Variants in RSRP1 observed in about 807,000 individuals in gnomAD.
RSRP1 encodes the protein arginine/serine-rich protein 1.
In RSRP1, 37 loss-of-function variants were observed where a neutral mutation model predicts 33.0. The ratio of observed to expected loss-of-function variants is 1.12; its 90% CI spans 0.86 to 1.48. The LOEUF is 1.48. Among genes scored for constraint, RSRP1 ranks in the 40% most tolerant of loss-of-function variants. The probability of loss-of-function intolerance (pLI) is 0.00; values close to 1 mark genes in which losing one functional copy is unlikely to be tolerated. For missense variants in RSRP1, 402 were observed against 385.3 expected (o/e 1.04, Z -0.36); for synonymous variants, 167 against 158.7 (o/e 1.05, Z -0.40).
At chr1:25,321,589 G>A in intron 1 of RSRP1, among the ~76,000 whole-genome samples, 1 of 125,530 alleles carries the variant, frequency 8.0e-6, no homozygotes, top group Admixed American at 8.0e-5. Flanking sequence ...ATAATCGCTT[G>A]AACCTGGGAG....
chr1:25,259,649 C>T (rs184874344), intron 1 of RSRP1, among the ~76,000 whole-genome samples: 1 of 152,112 alleles, frequency 6.6e-6, no homozygotes, highest in East Asian at 1.9e-4. Flanking sequence ...ATTACAAGTG[C>T]ACACTACCAC....
At chr1:25,247,119 G>A (rs913764379) in intron 1 of RSRP1, 90 bp from the exon 2 acceptor site, 36 of 827,772 alleles carry the variant, frequency 4.3e-5, no homozygotes, top group Non-Finnish European at 5.9e-5. Flanking sequence ...TCCGGGAGGC[G>A]GAGCCACGGC....
At chr1:25,283,815 C>T (rs1271086862) in intron 1 of RSRP1, among the ~76,000 whole-genome samples, 3 of 133,868 alleles carry the variant, frequency 2.2e-5, no homozygotes, top group South Asian at 4.4e-4. Context: ...AAGTTTGTCT[C>T]GTTCTGGAGC....
rs749408871 is a variant in RSRP1 at position 25,245,169 on chromosome 1, C to G, written c.653G>C (p.Ser218Thr). 2 of 1,614,180 alleles carry G rather than the reference C, an allele frequency of 1.2e-6. No homozygotes were observed. Among genetic ancestry groups the G allele is most frequent in the Non-Finnish European group, 1.7e-6 (2 of 1,180,028 alleles). ...ACTTACTTCAGGCTTTGCACCATTA[C>G]TTGATACACCTATTCCACGGCTTGT... Reference protein sequence around the residue: ...KETSRGIGVSSNGAKPELSEK... With the variant: ...KETSRGIGVSTNGAKPELSEK... Residue 218 changes from serine (S) to threonine (T), a missense_variant, in exon 3 of 5, where the codon AGT (serine) becomes ACT (threonine). Coordinates refer to ENST00000243189, the MANE Select transcript of RSRP1 (RefSeq NM_020317.5).
chr1:25,251,144 AGAACT>A (rs1382293531), upstream of RSRP1, among the ~76,000 whole-genome samples: 1 of 152,222 alleles, frequency 6.6e-6, no homozygotes, highest in Non-Finnish European at 1.5e-5. Flanking sequence ...CCCACATCAT[AGAACT>A]GAATTCGGCC....
intron 1 of RSRP1, among the ~76,000 whole-genome samples, chr1:25,331,838 C>A (rs2124204103): frequency 8.2e-6 from 1 of 121,384 alleles, no homozygotes; most frequent in African/African-American, 2.8e-5. Context: ...CTCCCGGGTT[C>A]ACGCCATTCT....
rs1639420308 is a variant in RSRP1 at position 25,246,564 on chromosome 1, C to A, written c.400G>T (p.Ala134Ser). 1 of 1,614,118 alleles carries A rather than the reference C, an allele frequency of 6.2e-7. No homozygotes were observed. The highest frequency in any genetic ancestry group is 8.5e-7 in the Non-Finnish European group (1 of 1,180,054). Residue 134 changes from alanine (A) to serine (S), a missense_variant, in exon 2 of 5, where the codon GCG becomes TCG. By Grantham distance (99) the Ala-to-Ser change is moderately conservative (BLOSUM62 1). Transcript: ENST00000243189. ...RSYCGRAYAI[A>S]RGQRYYGFGR... The stretch of plus-strand genomic sequence containing the variant: ...AAGCCGTAGTAGCGCTGTCCCCGCG[C>A]GATCGCGTACGCCCTTCCGCAGTAC...
rs1640658995 is a variant in RSRP1, at chr1:25,273,335, G to A, written c.-66-26306C>T. Among the ~76,000 whole-genome samples the A allele has an allele frequency of 1.9e-5, 2 of 106,310 alleles. 1 individual carries two copies. Among genetic ancestry groups the A allele is most frequent in the Non-Finnish European group, 4.5e-5 (2 of 44,412 alleles). The allele number at this position is 106,310 out of a possible 152,430, so 69.7% of individuals were successfully genotyped here. Reference sequence around the variant, plus strand: ...TTTTTTTTTTTTTGGTAGAGATGTGGGTCTCCCTGTGTTTCCCAGACTGGT... The same window carrying A: ...TTTTTTTTTTTTTGGTAGAGATGTGAGTCTCCCTGTGTTTCCCAGACTGGT... On this transcript the variant is annotated intron_variant, in intron 1 of 1. Transcript: ENST00000561867.
intron 2 of RSRP1, among the ~76,000 whole-genome samples, chr1:25,245,514 T>A (rs773617265): frequency 6.6e-6 from 1 of 152,178 alleles, no homozygotes. Flanking sequence ...TAAATGCAGA[T>A]AGAAAGTACC....
chr1:25,264,569 C>A (rs1640264641), intron 1 of RSRP1, among the ~76,000 whole-genome samples: 1 of 151,464 alleles, frequency 6.6e-6, no homozygotes, highest in South Asian at 2.1e-4. Context: ...CCAACAAAAC[C>A]ATTTTTTCCT....
At chr1:25,261,848 A>T (rs1640167241) in intron 1 of RSRP1, among the ~76,000 whole-genome samples, 1 of 148,798 alleles carries the variant, frequency 6.7e-6, no homozygotes, top group Non-Finnish European at 1.5e-5. Context: ...TGTAGCTGGG[A>T]TCACAGGCAC....
chr1:25,251,210 G>C (rs1639767666), upstream of RSRP1, among the ~76,000 whole-genome samples: 1 of 151,892 alleles, frequency 6.6e-6, no homozygotes, highest in Non-Finnish European at 1.5e-5. Context: ...CCTCCAAAAA[G>C]AAACAAAATG....
chr1:25,313,605 C>T lies in RSRP1; in HGVS notation c.-67+24373G>A, dbSNP rs1273825002. On this transcript the variant is annotated intron_variant, in intron 1 of 1. Transcript: ENST00000561867. ...GGAAAGTTTTGTTGTTCACAGTTCC[C>T]CTGTAAACAAGAGGCAGAACACGTC... Among the ~76,000 whole-genome samples the T allele has an allele frequency of 1.5e-5, 2 of 131,750 alleles. 1 individual carries two copies. Among genetic ancestry groups the T allele is most frequent in the Admixed American group, 1.5e-4 (2 of 13,496 alleles). 86.4% of individuals were successfully genotyped at this position (131,750 alleles called of 152,430 possible).
Position 25,243,410 on chromosome 1 carries a change from G to C in RSRP1, c.756+140C>G, listed in dbSNP as rs1343396440. The C allele has an allele frequency of 3.7e-6, 4 of 1,073,552 alleles. No homozygotes were observed. The African/African-American group carries it at 4.8e-5, about 13-fold the overall frequency. The allele number at this position is 1,073,552 out of a possible 1,614,324, so 66.5% of individuals were successfully genotyped here. On this transcript the variant is annotated intron_variant, in intron 4 of 4. Coordinates refer to ENST00000243189, the MANE Select transcript of RSRP1 (RefSeq NM_020317.5). ...ATTATAATGGCCACTTATAAAAGTGGCTCAAAAACAAATGATTTTAATTCT... is the reference window on the plus strand; with the variant it reads ...ATTATAATGGCCACTTATAAAAGTGCCTCAAAAACAAATGATTTTAATTCT...
chr1:25,267,953 C>A (rs1406831758), intron 1 of RSRP1: 1 of 133,408 alleles, frequency 7.5e-6, no homozygotes, highest in East Asian at 2.0e-4. Context: ...CCGGACCCGG[C>A]GCCCCGCCCT....
intron 3 of RSRP1, chr1:25,244,659 G>C: frequency 1.6e-6 from 2 of 1,216,966 alleles, no homozygotes; most frequent in Non-Finnish European, 2.1e-6. Flanking sequence ...GGTGTTATAA[G>C]AGTACACTGT....
intron 1 of RSRP1, among the ~76,000 whole-genome samples, chr1:25,293,815 A>G (rs1479168591): frequency 7.6e-6 from 1 of 132,102 alleles, no homozygotes; most frequent in Non-Finnish European, 1.8e-5. Context: ...AAATATGGAA[A>G]TTTGATCATG....
rs375347442 is a variant in RSRP1 at position 25,309,064 on chromosome 1, A to G, written c.-67+28914T>C. ...AGAGAGGATTAAGCGCAAAGTCACA[A>G]CACTTAATGGGAACTGTGGATTAGC... On this transcript the variant is annotated intron_variant, in intron 1 of 1. Coordinates refer to the RSRP1 transcript ENST00000561867. Among the ~76,000 whole-genome samples, 9 of 131,948 alleles carry G rather than the reference A, an allele frequency of 6.8e-5. 2 individuals carry two copies. Among genetic ancestry groups the G allele is most frequent in the African/African-American group, 2.1e-4 (8 of 38,114 alleles). 86.6% of individuals were successfully genotyped at this position (131,948 alleles called of 152,430 possible). A position where few individuals can be genotyped will look rare whatever the true frequency, so the allele number is the denominator to read the frequency against.
Position 25,269,296 on chromosome 1 carries a change from G to A in RSRP1, c.-66-22267C>T, listed in dbSNP as rs904195804. 1.4e-4 allele frequency among the ~76,000 whole-genome samples: 18 copies of A among 132,342 alleles called. 2 individuals are homozygous for A. The highest frequency in any genetic ancestry group is 7.7e-5 in the African/African-American group (3 of 38,756). The allele number at this position is 132,342 out of a possible 152,430, so 86.8% of individuals were successfully genotyped here. On this transcript the variant is annotated intron_variant, in intron 1 of 1. Coordinates refer to the RSRP1 transcript ENST00000561867. ...GAGTACTGTACGGAAAGTGAAAGAC[G>A]GAGTGGTGGGATGGGAACTCTAAGC...
Sources: allele counts gnomAD v4.1 joint callset (sites outside exome capture counted in the v4.1 genomes callset), GRCh38; gene constraint gnomAD v4.1.1; transcripts MANE v1.5; gene names NCBI Gene and HGNC (gene_info 2026-07-23, HGNC 2026-07-21).